Variants in LDLRAD3 observed in about 807,000 individuals in gnomAD.
LDLRAD3 encodes the protein low density lipoprotein receptor class A domain containing 3, also known as low-density lipoprotein receptor class A domain-containing protein 3.
In LDLRAD3, 20 loss-of-function variants were observed where a neutral mutation model predicts 29.4. The observed-to-expected ratio is 0.68, with a 90% confidence interval of 0.48 to 0.99. The LOEUF (loss-of-function observed/expected upper bound fraction) is 0.99, where lower values mean the gene tolerates loss of function less well. Ranked by LOEUF, LDLRAD3 falls within the 50% of genes least tolerant of loss-of-function variation. The pLI is 0.00. For missense variants in LDLRAD3, 420 were observed against 454.3 expected (o/e 0.92, Z 0.69); for synonymous variants, 157 against 192.7 (o/e 0.81, Z 1.53).
intron 1 of LDLRAD3, among the ~76,000 whole-genome samples, chr11:36,034,262 G>A (rs1197864196): frequency 2.0e-5 from 3 of 152,186 alleles, no homozygotes. Flanking sequence ...GGCCACAGAG[G>A]GGAGAGTGGG....
intron 4 of LDLRAD3, among the ~76,000 whole-genome samples, chr11:36,160,687 G>A (rs1464923351): frequency 6.6e-6 from 1 of 151,746 alleles, no homozygotes; most frequent in Non-Finnish European, 1.5e-5. Context: ...TTGGTTTTCA[G>A]TTTTAAAAAG....
chr11:36,028,482 G>T (rs893798669), intron 1 of LDLRAD3, among the ~76,000 whole-genome samples: 1 of 151,926 alleles, frequency 6.6e-6, no homozygotes, highest in Non-Finnish European at 1.5e-5. Context: ...GCAGGGAGTC[G>T]GTTGGCAAAT....
At chr11:36,183,786 TG>T (rs1854802200) in intron 4 of LDLRAD3, among the ~76,000 whole-genome samples, 1 of 152,196 alleles carries the variant, frequency 6.6e-6, no homozygotes, top group Non-Finnish European at 1.5e-5. Context: ...TTTCTCTTTT[TG>T]TGTCTCTTTC....
At chr11:35,979,918 T>G (rs559092519) in intron 1 of LDLRAD3, among the ~76,000 whole-genome samples, 6 of 152,326 alleles carry the variant, frequency 3.9e-5, no homozygotes, top group African/African-American at 1.4e-4. Flanking sequence ...TGTTTATCAA[T>G]GCGGAGCATC....
chr11:35,972,116 C>T (rs1048422288), intron 1 of LDLRAD3, among the ~76,000 whole-genome samples: 14 of 152,144 alleles, frequency 9.2e-5, no homozygotes, highest in African/African-American at 2.2e-4. Flanking sequence ...GATGACCACT[C>T]AGCTGTGGGT....
chr11:36,054,703 A>ATGGG (rs1554960932), intron 2 of LDLRAD3, among the ~76,000 whole-genome samples: 6 of 112,854 alleles, frequency 5.3e-5, no homozygotes, highest in East Asian at 2.8e-4. Context: ...GAATGGGTGG[A>ATGGG]TGGGTGGGTG....
chr11:36,178,611 ATTG>A (rs1160849739), intron 4 of LDLRAD3, among the ~76,000 whole-genome samples: 5 of 152,162 alleles, frequency 3.3e-5, no homozygotes, highest in African/African-American at 1.2e-4. Context: ...TCAAAACTGG[ATTG>A]TTGATCATTA....
chr11:36,164,083 G>A (rs1451549639), intron 4 of LDLRAD3, among the ~76,000 whole-genome samples: 1 of 152,146 alleles, frequency 6.6e-6, no homozygotes, highest in South Asian at 2.1e-4. Context: ...CCATTTTCCA[G>A]CCTCTTACCA....
intron 1 of LDLRAD3, among the ~76,000 whole-genome samples, chr11:36,005,634 G>A (rs1851875774): frequency 6.6e-6 from 1 of 152,032 alleles, no homozygotes; most frequent in African/African-American, 2.4e-5. Flanking sequence ...ACATGTTCTG[G>A]TATCTTTACA....
chr11:36,000,803 G>T (rs1851814158), intron 1 of LDLRAD3, among the ~76,000 whole-genome samples: 1 of 152,130 alleles, frequency 6.6e-6, no homozygotes. Context: ...GGGCTGGAGA[G>T]GGAAGGAGCT....
chr11:36,004,864 C>G (rs1228408502), intron 1 of LDLRAD3, among the ~76,000 whole-genome samples: 1 of 152,232 alleles, frequency 6.6e-6, no homozygotes, highest in African/African-American at 2.4e-5. Context: ...AGGCTTGCAC[C>G]CTCTGACACC....
At chr11:36,144,905 G>A (rs1324136408) in intron 4 of LDLRAD3, among the ~76,000 whole-genome samples, 3 of 106,686 alleles carry the variant, frequency 2.8e-5, no homozygotes, top group Admixed American at 8.4e-5. Context: ...GGTGAGGGGC[G>A]CCTCTACCCG....
At chr11:36,206,486 G>T (rs1252350869) in intron 4 of LDLRAD3, among the ~76,000 whole-genome samples, 1 of 152,186 alleles carries the variant, frequency 6.6e-6, no homozygotes, top group Non-Finnish European at 1.5e-5. Flanking sequence ...AAGCACAGTG[G>T]GAGGCAGAGG....
intron 3 of LDLRAD3, among the ~76,000 whole-genome samples, chr11:36,094,384 T>C (rs1044717872): frequency 3.3e-5 from 5 of 152,212 alleles, no homozygotes; most frequent in Non-Finnish European, 5.9e-5. Flanking sequence ...AATGGCAAGG[T>C]TGAGTCATTA....
intron 1 of LDLRAD3, among the ~76,000 whole-genome samples, chr11:35,999,253 T>A (rs1851792789): frequency 6.6e-6 from 1 of 152,138 alleles, no homozygotes; most frequent in Non-Finnish European, 1.5e-5. Context: ...GAACCGAATG[T>A]ATGTTATAAA....
At chr11:35,946,803 G>A (rs1254069827) in intron 1 of LDLRAD3, among the ~76,000 whole-genome samples, 1 of 152,156 alleles carries the variant, frequency 6.6e-6, no homozygotes, top group Non-Finnish European at 1.5e-5. Context: ...TCTGCTTAAC[G>A]GTGTGAGGGG....
At chr11:36,136,101 T>C (rs1308000599) in intron 4 of LDLRAD3, among the ~76,000 whole-genome samples, 2 of 152,208 alleles carry the variant, frequency 1.3e-5, no homozygotes, top group Non-Finnish European at 2.9e-5. Context: ...ACCCAGTTCA[T>C]CTGTGCACAT....
chr11:36,230,538 G>T lies in LDLRAD3; in HGVS notation c.*1141G>T, dbSNP rs960210973. On this transcript the variant is annotated 3_prime_UTR_variant, in exon 6 of 6. Transcript: ENST00000315571. ...CCCAATACCAGCACCTCTAGTTAGAGTTAGGGTCAGGGTCAGGCCTCTCCC... is the reference window on the plus strand; with the variant it reads ...CCCAATACCAGCACCTCTAGTTAGATTTAGGGTCAGGGTCAGGCCTCTCCC... 3 of 152,698 alleles carry T rather than the reference G, an allele frequency of 2.0e-5. No homozygotes were observed. The highest frequency in any genetic ancestry group is 7.2e-5 in the African/African-American group (3 of 41,422). The allele number at this position is 152,698 out of a possible 1,614,324, so 9.5% of individuals were successfully genotyped here. A position where few individuals can be genotyped will look rare whatever the true frequency, so the allele number is the denominator to read the frequency against.
At chr11:36,140,946 A>T (rs2133314688) in intron 4 of LDLRAD3, among the ~76,000 whole-genome samples, 1 of 150,096 alleles carries the variant, frequency 6.7e-6, no homozygotes, top group Middle Eastern at 3.5e-3. Flanking sequence ...ATTAATGGAA[A>T]TGTGACAAAA....
Sources: allele counts gnomAD v4.1 joint callset (sites outside exome capture counted in the v4.1 genomes callset), GRCh38; gene constraint gnomAD v4.1.1; transcripts MANE v1.5; gene names NCBI Gene and HGNC (gene_info 2026-07-23, HGNC 2026-07-21).